Variants in HDGF observed in about 807,000 individuals in gnomAD.
HDGF encodes heparin binding growth factor, also known as hepatoma-derived growth factor.
Under a neutral mutation model 30.0 loss-of-function variants are expected in HDGF, and 5 were observed. The observed-to-expected ratio is 0.17, with a 90% CI of 0.09 to 0.35. The LOEUF is 0.35. HDGF is among the 10% of genes least tolerant of loss of function. The probability of loss-of-function intolerance (pLI) is 1.00; values close to 1 mark genes in which losing one functional copy is unlikely to be tolerated. For synonymous variants in HDGF, 133 were observed against 112.7 expected (o/e 1.18, Z -1.14); for missense variants, 214 against 302.8 (o/e 0.71, Z 2.18).
upstream of HDGF, among the ~76,000 whole-genome samples, chr1:156,752,700 T>C (rs142457814): frequency 6.6e-6 from 1 of 152,344 alleles, no homozygotes; most frequent in African/African-American, 2.4e-5. Context: ...TTAAGCTAAA[T>C]AAGACTTTAT....
intron 1 of HDGF, among the ~76,000 whole-genome samples, chr1:156,760,687 G>A (rs1651234492): frequency 6.6e-6 from 1 of 152,108 alleles, no homozygotes. Flanking sequence ...CGATAAAGAG[G>A]CTCATCCATG....
chr1:156,751,269 G>C lies in HDGF; in HGVS notation c.87+74C>G. ...CCCACCTCTGCCCGCTCCGCGCGGA[G>C]CGCTCGTGCCCTTCCCGGTGTTATG... is the stretch of plus-strand genomic sequence containing the variant. On this transcript the variant is annotated intron_variant, in intron 1 of 5. Coordinates refer to ENST00000357325, the MANE Select transcript of HDGF (RefSeq NM_004494.3). The surrounding 1 kb of genome is among the most constrained non-coding windows in gnomAD (Gnocchi z 4.7). The C allele has an allele frequency of 6.5e-7, 1 of 1,534,024 alleles. No homozygotes were observed. Among genetic ancestry groups the C allele is most frequent in the Non-Finnish European group, 8.8e-7 (1 of 1,136,112 alleles).
At chr1:156,748,482 C>G (rs1650745068) in intron 1 of HDGF, among the ~76,000 whole-genome samples, 1 of 152,198 alleles carries the variant, frequency 6.6e-6, no homozygotes, top group African/African-American at 2.4e-5. Context: ...ACCCCCTCCA[C>G]TAGCCAGCAA....
upstream of HDGF, among the ~76,000 whole-genome samples, chr1:156,756,450 G>A (rs531996934): frequency 1.6e-4 from 24 of 152,308 alleles, no homozygotes; most frequent in African/African-American, 5.8e-4. Flanking sequence ...TACCACAGTG[G>A]GTGAGGGTGT....
chr1:156,761,273 G>A (rs1651245421), intron 1 of HDGF, among the ~76,000 whole-genome samples: 1 of 151,572 alleles, frequency 6.6e-6, no homozygotes. Context: ...TTGTGCCACT[G>A]TACTCCAGAC....
chr1:156,743,241 G>A lies in HDGF; in HGVS notation c.*208C>T. The A allele has an allele frequency of 1.9e-6, 1 of 529,562 alleles. No homozygotes were observed. Among genetic ancestry groups the A allele is most frequent in the Non-Finnish European group, 3.4e-6 (1 of 297,908 alleles). 32.8% of individuals were successfully genotyped at this position (529,562 alleles called of 1,614,324 possible). On this transcript the variant is annotated 3_prime_UTR_variant, in exon 6 of 6. Coordinates refer to ENST00000357325, the MANE Select transcript of HDGF (RefSeq NM_004494.3). Reference sequence around the variant, plus strand: ...CATGGCTCTGACTCAGATCATAGGAGTATGGGGACCTAGAGGTGAGAGCCA... The same window carrying A: ...CATGGCTCTGACTCAGATCATAGGAATATGGGGACCTAGAGGTGAGAGCCA...
At chr1:156,764,518 C>T (rs1400758766) in intron 1 of HDGF, among the ~76,000 whole-genome samples, 2 of 152,152 alleles carry the variant, frequency 1.3e-5, no homozygotes, top group Non-Finnish European at 2.9e-5. Context: ...CAAATTTCTA[C>T]AGGTATAAAA....
intron 1 of HDGF, among the ~76,000 whole-genome samples, chr1:156,748,022 G>A (rs1247530362): frequency 6.6e-6 from 1 of 152,154 alleles, no homozygotes; most frequent in African/African-American, 2.4e-5. Context: ...CACCAGATAT[G>A]CCAGCCCTGC....
At chr1:156,761,937 C>CT (rs1456028178) in intron 1 of HDGF, among the ~76,000 whole-genome samples, 12 of 51,676 alleles carry the variant, frequency 2.3e-4, no homozygotes, top group African/African-American at 1.1e-3. Flanking sequence ...CAGTCTCCAT[C>CT]TCAAAAAAAA....
At chr1:156,758,998 A>G (rs149127035) in exon 2 of HDGF, 2 of 152,458 alleles carry the variant, frequency 1.3e-5, no homozygotes, top group African/African-American at 4.8e-5. Context: ...TGGGGAAGGG[A>G]CTGTGGAGGC....
At chr1:156,743,942 C>T in intron 4 of HDGF, 64 bp from the exon 5 acceptor site, 1 of 1,278,754 alleles carries the variant, frequency 7.8e-7, no homozygotes, top group Non-Finnish European at 1.1e-6. Context: ...CCACCCACTC[C>T]TCTCCTCCGG....
chr1:156,743,571 T>C, intron 5 of HDGF, 81 bp downstream of exon 5: 5 of 1,555,274 alleles, frequency 3.2e-6, no homozygotes, highest in Non-Finnish European at 4.4e-6. Flanking sequence ...GGCTGACCAC[T>C]GCAGGCCCTT....
At chr1:156,761,939 CAAA>C (rs112163886) in intron 1 of HDGF, among the ~76,000 whole-genome samples, 1 of 128,558 alleles carries the variant, frequency 7.8e-6, no homozygotes, top group Non-Finnish European at 1.6e-5. Context: ...GTCTCCATCT[CAAA>C]AAAAAAAAAA....
chr1:156,760,476 C>T (rs777180032), intron 1 of HDGF, among the ~76,000 whole-genome samples: 1 of 152,240 alleles, frequency 6.6e-6, no homozygotes, highest in African/African-American at 2.4e-5. Context: ...CTGTAGAGGA[C>T]AGATGGCAGG....
In HDGF at chr1:156,758,492, C is replaced by T. The variant is rs187075579; in HGVS notation, n.373+491G>A. ...CCTGTAGTCCCAGCTACTTGGCAGG[C>T]TGAGGCAGGAGAATGGCGTGAACCC... On this transcript the variant is annotated intron_variant and non_coding_transcript_variant, in intron 2 of 7. Coordinates refer to the HDGF transcript ENST00000465180. Among the ~76,000 whole-genome samples, 396 of 151,340 alleles carry T rather than the reference C, an allele frequency of 2.6e-3. 1 individual carries two copies. Among genetic ancestry groups the T allele is most frequent in the Middle Eastern group, 0.01 (3 of 294 alleles).
At chr1:156,749,052 AG>A (rs1316689563) in intron 1 of HDGF, among the ~76,000 whole-genome samples, 1 of 152,240 alleles carries the variant, frequency 6.6e-6, no homozygotes, top group Non-Finnish European at 1.5e-5. Context: ...CCAGGAAGTT[AG>A]GCAGGCGGAA....
In HDGF at chr1:156,743,725, C is replaced by G. The variant is rs565033550; in HGVS notation, c.643G>C (p.Glu215Gln). 2 of 1,603,718 alleles carry G rather than the reference C, an allele frequency of 1.2e-6. No individual in the cohort carries two copies. The highest frequency in any genetic ancestry group is 2.2e-5 in the South Asian group (2 of 89,794). ...TCTTCCTCTTCATCCTCCTCCTCTTCTTCCTCTTGGGGAGGCCCCCGGCCA... is the reference window on the plus strand; with the variant it reads ...TCTTCCTCTTCATCCTCCTCCTCTTGTTCCTCTTGGGGAGGCCCCCGGCCA... ...GSGRGPPQEE[E>Q]EEEDEEEEAT... Residue 215 changes from glutamate (E) to glutamine (Q), a missense_variant, in exon 5 of 6, where the codon GAA (glutamate) becomes CAA (glutamine). Coordinates refer to ENST00000357325, the MANE Select transcript of HDGF (RefSeq NM_004494.3).
upstream of HDGF, among the ~76,000 whole-genome samples, chr1:156,756,027 G>C (rs1651148971): frequency 6.6e-6 from 1 of 152,230 alleles, no homozygotes; most frequent in East Asian, 1.9e-4. Flanking sequence ...AAGGTGGGCA[G>C]ATCACTTGAA....
In HDGF at chr1:156,745,041, C is replaced by G; in HGVS notation, c.270G>C (p.Glu90Asp). The change falls in exon 3 of 6, where the codon GAG becomes GAC. Residue 90 changes from glutamate (E) to aspartate (D), a missense_variant. Around this residue, in one of 2 missense-constraint regions of HDGF, gnomAD observed 176 missense variants for 211.7 expected, o/e 0.83. Transcript: ENST00000357325. ...KGFSEGLWEI[E>D]NNPTVKASGY... Reference sequence around the variant, plus strand: ...CGGAAGCCTTGACAGTAGGGTTGTTCTCGATCTCCCACAGCCCCTCGCTGA... The same window carrying G: ...CGGAAGCCTTGACAGTAGGGTTGTTGTCGATCTCCCACAGCCCCTCGCTGA... 6.2e-7 allele frequency: 1 copy of G among 1,614,062 alleles called. No homozygotes were observed. The highest frequency in any genetic ancestry group is 8.5e-7 in the Non-Finnish European group (1 of 1,180,026).
Sources: gnomAD v4.1 joint callset for allele counts (sites outside exome capture counted in the v4.1 genomes callset) on GRCh38, gnomAD v4.1.1 for gene constraint, gnomAD v4.1.1 regional missense constraint, Gnocchi (gnomAD v3.1) non-coding constraint, MANE v1.5 for transcripts, NCBI Gene and HGNC (gene_info 2026-07-23, HGNC 2026-07-21) for gene names.